Variants in LMBR1 observed in about 807,000 individuals in gnomAD.
LMBR1 encodes limb development membrane protein 1.
Under a neutral mutation model 73.9 loss-of-function variants are expected in LMBR1, and 52 were observed. The observed-to-expected ratio is 0.70, with a 90% CI of 0.56 to 0.89. The LOEUF (loss-of-function observed/expected upper bound fraction) is 0.89, where lower values mean the gene tolerates loss of function less well. Among genes scored for constraint, LMBR1 ranks in the 40% least tolerant of loss-of-function variants. The pLI is 0.00. For missense variants in LMBR1, 539 were observed against 579.8 expected (o/e 0.93, Z 0.72); for synonymous variants, 215 against 209.4 (o/e 1.03, Z -0.23).
chr7:156,844,877 G>A (rs1027056871), intron 1 of LMBR1, among the ~76,000 whole-genome samples: 2 of 152,192 alleles, frequency 1.3e-5, no homozygotes, highest in East Asian at 1.9e-4. Flanking sequence ...ACAGTCATAA[G>A]TAACTGAATA....
Position 156,812,426 on chromosome 7 carries a change from A to AG in LMBR1, c.319+14178dup, listed in dbSNP as rs1833252644. 3.3e-5 allele frequency among the ~76,000 whole-genome samples: 5 copies of AG among 152,216 alleles called. No homozygotes were observed. The South Asian group carries it at 6.2e-4, about 19-fold the overall frequency. ...AAAGATGCAGCAGAAGGGAAGTCAG[A>AG]GAAAAACTTGACCCACCTTTGTTAG... On this transcript the variant is annotated intron_variant, in intron 4 of 16. Coordinates refer to ENST00000353442, the MANE Select transcript of LMBR1 (RefSeq NM_022458.4).
intron 1 of LMBR1, among the ~76,000 whole-genome samples, chr7:156,867,112 G>A (rs888249419): frequency 2.0e-5 from 3 of 152,148 alleles, no homozygotes; most frequent in Non-Finnish European, 2.9e-5. Flanking sequence ...CAAAGAAGTT[G>A]AAGAGATATT....
intron 5 of LMBR1, 127 bp downstream of exon 5, chr7:156,796,262 T>C (rs1312754036): frequency 9.5e-6 from 6 of 629,732 alleles, no homozygotes; most frequent in Non-Finnish European, 1.7e-5. Context: ...CAATGTGTTA[T>C]CAATATTATT....
At chr7:156,701,112 T>A (rs1024213804) in intron 15 of LMBR1, among the ~76,000 whole-genome samples, 1 of 152,076 alleles carries the variant, frequency 6.6e-6, no homozygotes, top group African/African-American at 2.4e-5. Flanking sequence ...TCCCACAACA[T>A]GTGGGAATTC....
chr7:156,715,732 T>C (rs1279929957), intron 15 of LMBR1, among the ~76,000 whole-genome samples: 1 of 152,216 alleles, frequency 6.6e-6, no homozygotes, highest in African/African-American at 2.4e-5. Flanking sequence ...GGTGCCTTTT[T>C]GAGACTGGCT....
intron 15 of LMBR1, among the ~76,000 whole-genome samples, chr7:156,712,876 G>A (rs1812369790): frequency 6.6e-6 from 1 of 152,146 alleles, no homozygotes; most frequent in African/African-American, 2.4e-5. Flanking sequence ...GCAGGGGGGA[G>A]GCTGGACGAT....
chr7:156,880,890 C>A (rs1247459810), intron 1 of LMBR1, among the ~76,000 whole-genome samples: 3 of 152,118 alleles, frequency 2.0e-5, no homozygotes, highest in African/African-American at 7.2e-5. Flanking sequence ...TGACCTCAGG[C>A]AATCCACCCG....
At chr7:156,699,469 C>T (rs1050777385) in intron 15 of LMBR1, among the ~76,000 whole-genome samples, 13 of 151,526 alleles carry the variant, frequency 8.6e-5, no homozygotes, top group Non-Finnish European at 1.9e-4. Flanking sequence ...AAAACCTAGG[C>T]AATACCATTC....
At chr7:156,777,156 C>T (rs1826302317) in intron 5 of LMBR1, among the ~76,000 whole-genome samples, 2 of 152,250 alleles carry the variant, frequency 1.3e-5, no homozygotes, top group South Asian at 4.1e-4. Flanking sequence ...AGGATGGTCT[C>T]GATCTCCTGA....
chr7:156,684,280 G>A lies in LMBR1; in HGVS notation c.1388-117C>T, dbSNP rs192236889. 53 of 787,092 alleles carry A rather than the reference G, an allele frequency of 6.7e-5. No individual in the cohort carries two copies. In the African/African-American group the frequency reaches 7.2e-4, roughly 11 times the overall value. The allele number at this position is 787,092 out of a possible 1,614,324, so 48.8% of individuals were successfully genotyped here. On this transcript the variant is annotated intron_variant, in intron 16 of 16. Transcript: ENST00000353442. Reference sequence around the variant, plus strand: ...TAAGTGTTATTTGGAAAGCTGTGAGGTGCTGGCCAGATCCCCTTGAGGAAT... The same window carrying A: ...TAAGTGTTATTTGGAAAGCTGTGAGATGCTGGCCAGATCCCCTTGAGGAAT...
chr7:156,860,153 CACACTGCCGAT>C, intron 1 of LMBR1, among the ~76,000 whole-genome samples: 1 of 152,168 alleles, frequency 6.6e-6, no homozygotes, highest in Non-Finnish European at 1.5e-5. Context: ...AGTCTGTTTT[CACACTGCCGAT>C]AAAGACATAT....
intron 9 of LMBR1, among the ~76,000 whole-genome samples, chr7:156,749,201 ACCTAGAAGAATG>A (rs1233257214): frequency 6.6e-6 from 1 of 152,218 alleles, no homozygotes; most frequent in African/African-American, 2.4e-5. Context: ...CATTGCCAGA[ACCTAGAAGAATG>A]CCTAGAGAAA....
chr7:156,826,756 G>A lies in LMBR1; in HGVS notation c.180-12C>T. 2 of 1,599,390 alleles carry A rather than the reference G, an allele frequency of 1.3e-6. No homozygotes were observed. Among genetic ancestry groups the A allele is most frequent in the Admixed American group, 1.7e-5 (1 of 58,568 alleles). Reference sequence around the variant, plus strand: ...TGCTCAAAAACAACCTGGAAGAAAGGAGAGTCACCATCACAAGTGATCTGA... The same window carrying A: ...TGCTCAAAAACAACCTGGAAGAAAGAAGAGTCACCATCACAAGTGATCTGA... On this transcript the variant is annotated splice_polypyrimidine_tract_variant and intron_variant, in intron 3 of 16. Transcript: ENST00000353442.
At chr7:156,828,299 T>C (rs1836060265) in intron 3 of LMBR1, among the ~76,000 whole-genome samples, 1 of 152,182 alleles carries the variant, frequency 6.6e-6, no homozygotes, top group South Asian at 2.1e-4. Flanking sequence ...CTCCCTAGAA[T>C]ACCCTCTAAG....
chr7:156,861,386 G>A (rs1272440677), intron 1 of LMBR1, among the ~76,000 whole-genome samples: 1 of 152,134 alleles, frequency 6.6e-6, no homozygotes, highest in Non-Finnish European at 1.5e-5. Flanking sequence ...CACAGAGCAG[G>A]GGGGCCCTGG....
At chr7:156,753,186 G>A (rs541860102) in intron 9 of LMBR1, among the ~76,000 whole-genome samples, 104 of 152,170 alleles carry the variant, frequency 6.8e-4, no homozygotes, top group African/African-American at 2.4e-3. Flanking sequence ...GGCAAGGAGT[G>A]TCCTGGAGTG....
chr7:156,770,276 C>A (rs1824942123), intron 5 of LMBR1, among the ~76,000 whole-genome samples: 1 of 152,004 alleles, frequency 6.6e-6, no homozygotes, highest in Admixed American at 6.6e-5. Context: ...ATCTCAGCCC[C>A]CTGAGTAGCT....
At chr7:156,696,504 A>G (rs1289874602) in intron 15 of LMBR1, among the ~76,000 whole-genome samples, 1 of 152,218 alleles carries the variant, frequency 6.6e-6, no homozygotes, top group Non-Finnish European at 1.5e-5. Flanking sequence ...AACAGGTTTA[A>G]TGGAATCACA....
intron 1 of LMBR1, among the ~76,000 whole-genome samples, chr7:156,881,502 A>G (rs1801083141): frequency 6.6e-6 from 1 of 152,232 alleles, no homozygotes; most frequent in Non-Finnish European, 1.5e-5. Flanking sequence ...ACATAAAACT[A>G]AAAAGTTTCT....
Sources: gnomAD v4.1 joint callset for allele counts (sites outside exome capture counted in the v4.1 genomes callset) on GRCh38, gnomAD v4.1.1 for gene constraint, MANE v1.5 for transcripts, NCBI Gene and HGNC (gene_info 2026-07-23, HGNC 2026-07-21) for gene names.